GPRIN1: variants seen among roughly 807,000 people sequenced by gnomAD.
GPRIN1 encodes G protein-regulated inducer of neurite outgrowth 1.
Under a neutral mutation model 2.8 loss-of-function variants are expected in GPRIN1, and 4 were observed. The observed-to-expected ratio is 1.45, with a 90% CI of 0.71 to 3.32. The LOEUF is 3.32. Ranked by LOEUF, GPRIN1 falls within the 30% of genes most tolerant of loss-of-function variation. GPRIN1 has a pLI of 0.01. For missense variants in GPRIN1, 1,322 were observed against 1,343.4 expected (o/e 0.98, Z 0.25); for synonymous variants, 589 against 589.9 (o/e 1.00, Z 0.02).
In GPRIN1 at chr5:176,598,423, C is replaced by T; in HGVS notation, c.1412G>A (p.Ser471Asn). ...CACTTTTTCAGATGATGTCTTTCTA[C>T]TTCCAGCAGATATGGGGTCCTCCCT... is the stretch of plus-strand genomic sequence containing the variant. ...SRREDPISAG[S>N]RKTSSEKVNP... Residue 471 changes from serine to asparagine, a missense_variant, in exon 2 of 2, where the codon AGT (serine) becomes AAT (asparagine). This residue lies in a region of GPRIN1 where 1,117 missense variants were observed against 1,128.6 expected (regional missense o/e 0.99). Transcript: ENST00000303991. 1 of 1,614,110 alleles carries T rather than the reference C, an allele frequency of 6.2e-7. No individual in the cohort carries two copies. The highest frequency in any genetic ancestry group is 8.5e-7 in the Non-Finnish European group (1 of 1,180,028).
At chr5:176,606,334 C>T (rs1759219974) in intron 1 of GPRIN1, among the ~76,000 whole-genome samples, 1 of 152,200 alleles carries the variant, frequency 6.6e-6, no homozygotes, top group African/African-American at 2.4e-5. Context: ...AGGAAAGGGT[C>T]TGCAGCAGGG....
Position 176,598,036 on chromosome 5 carries a change from G to A in GPRIN1, c.1799C>T (p.Ala600Val), listed in dbSNP as rs1390117509. ...AGAACCCACTTTTCCCTCTGGGATA[G>A]CTTCTGCTTTTCCCAGGGACACGGG... ...VDPVSLGKAE[A>V]IPEGKVGSLP... Residue 600 changes from alanine to valine, a missense_variant, in exon 2 of 2, where the codon GCT (alanine) becomes GTT (valine). By Grantham distance (64) the Ala-to-Val change is moderately conservative (BLOSUM62 0). This residue lies in a region of GPRIN1 where 1,117 missense variants were observed against 1,128.6 expected (regional missense o/e 0.99). Coordinates refer to ENST00000303991, the MANE Select transcript of GPRIN1 (RefSeq NM_052899.3). The A allele has an allele frequency of 2.5e-6, 4 of 1,613,958 alleles. No individual in the cohort carries two copies. The highest frequency in any genetic ancestry group is 1.6e-4 in the Middle Eastern group (1 of 6,084).
chr5:176,609,755 C>T (rs990495528), intron 1 of GPRIN1, among the ~76,000 whole-genome samples: 1 of 151,574 alleles, frequency 6.6e-6, no homozygotes, highest in Non-Finnish European at 1.5e-5. Context: ...GATGTTCGGC[C>T]CAGGGCTGCG....
Position 176,597,332 on chromosome 5 carries a change from C to A in GPRIN1, c.2503G>T (p.Ala835Ser). 4 of 1,243,616 alleles carry A rather than the reference C, an allele frequency of 3.2e-6. No individual in the cohort carries two copies. The highest frequency in any genetic ancestry group is 4.0e-6 in the Non-Finnish European group (4 of 995,950). The allele number at this position is 1,243,616 out of a possible 1,614,324, so 77.0% of individuals were successfully genotyped here. ...TGGAAGCTGAAGGCCGAGCCCCCAGCGCCGTCCTGCGGAGACATGGGGCTC... is the reference window on the plus strand; with the variant it reads ...TGGAAGCTGAAGGCCGAGCCCCCAGAGCCGTCCTGCGGAGACATGGGGCTC... ...AVSPMSPQDG[A>S]GGSAFSFQAA... The change falls in exon 2 of 2, where the codon GCT becomes TCT. Residue 835 changes from alanine (A) to serine (S), a missense_variant. Ala to Ser is a moderately conservative substitution (Grantham distance 99, BLOSUM62 1). This residue lies in a region of GPRIN1 where 1,117 missense variants were observed against 1,128.6 expected (regional missense o/e 0.99). Transcript: ENST00000303991. The surrounding 1 kb of genome is among the most constrained non-coding windows in gnomAD (Gnocchi z 6.1).
rs753145657 is a variant in GPRIN1, at chr5:176,596,879, G to C, written c.2956C>G (p.Leu986Val). Residue 986 changes from leucine to valine, a missense_variant, in exon 2 of 2, where the codon CTG becomes GTG. By Grantham distance (32) the Leu-to-Val change is conservative. Coordinates refer to ENST00000303991, the MANE Select transcript of GPRIN1 (RefSeq NM_052899.3). This position sits in a 1 kb window ranked among gnomAD's most constrained non-coding sequence, Gnocchi z 5.2. ...ACACTCTGCAGCAGCGCGCGGAACA[G>C]GCCGGGCGGACGCTTGGCGGCGCCA... ...PDGAAKRPPG[L>V]FRALLQSVRR... 9.1e-6 allele frequency: 12 copies of C among 1,318,176 alleles called. No individual in the cohort carries two copies. The Admixed American group carries it at 3.7e-4, about 40-fold the overall frequency. 81.7% of individuals were successfully genotyped at this position (1,318,176 alleles called of 1,614,324 possible).
In GPRIN1 at chr5:176,597,303, C is replaced by T. The variant is rs1381244570; in HGVS notation, c.2532G>A (p.Ala844=). 2 of 1,233,636 alleles carry T rather than the reference C, an allele frequency of 1.6e-6. No individual in the cohort carries two copies. 76.4% of individuals were successfully genotyped at this position (1,233,636 alleles called of 1,614,324 possible). ...GAGGSAFSFQ[A]APRAPSPPSR... is the part of the protein sequence containing the mutation. ...AGGGCGGGCTGGGCGCGCGCGGCGC[C>T]GCCTGGAAGCTGAAGGCCGAGCCCC... Residue 844 remains alanine (A), a synonymous_variant, in exon 2 of 2, where the codon GCG becomes GCA. Transcript: ENST00000303991. The surrounding 1 kb of genome is among the most constrained non-coding windows in gnomAD (Gnocchi z 6.1).
chr5:176,607,940 T>TC (rs1330609128), intron 1 of GPRIN1, among the ~76,000 whole-genome samples: 29 of 102,476 alleles, frequency 2.8e-4, no homozygotes, highest in African/African-American at 1.1e-3. Context: ...TTTTTTTTTT[T>TC]CTGAAGACAG....
chr5:176,598,188 G>C lies in GPRIN1; in HGVS notation c.1647C>G (p.Gly549=), dbSNP rs1759083924. 1 of 1,612,046 alleles carries C rather than the reference G, an allele frequency of 6.2e-7. No homozygotes were observed. The highest frequency in any genetic ancestry group is 1.3e-5 in the African/African-American group (1 of 74,778). The part of the protein sequence containing the change: ...ASGKAEPLAV[G]KEDPVSKGKA... ...TTCCCTTGCTCACAGGGTCCTCCTT[G>C]CCCACCGCGAGGGGCTCGGCCTTCC... The change falls in exon 2 of 2, where the codon GGC becomes GGG. Residue 549 remains glycine, a synonymous_variant. Transcript: ENST00000303991.
chr5:176,606,589 C>T (rs1223430550), intron 1 of GPRIN1, among the ~76,000 whole-genome samples: 2 of 152,172 alleles, frequency 1.3e-5, no homozygotes, highest in Non-Finnish European at 2.9e-5. Context: ...GGTGTACTCT[C>T]CAATCAGCCA....
intron 1 of GPRIN1, among the ~76,000 whole-genome samples, chr5:176,609,670 A>T (rs1204163572): frequency 2.6e-5 from 4 of 151,926 alleles, no homozygotes; most frequent in Non-Finnish European, 5.9e-5. Flanking sequence ...TGCCGAACAA[A>T]GCCAGCGGGC....
chr5:176,603,134 T>C (rs1174276043), intron 1 of GPRIN1, among the ~76,000 whole-genome samples: 2 of 152,168 alleles, frequency 1.3e-5, no homozygotes, highest in East Asian at 3.9e-4. Context: ...ACTCTTACCT[T>C]TGGGGTAAAG....
chr5:176,598,179 G>A lies in GPRIN1; in HGVS notation c.1656C>T (p.Asp552=), dbSNP rs1759083645. The A allele has an allele frequency of 6.2e-7, 1 of 1,612,556 alleles. No individual in the cohort carries two copies. Among genetic ancestry groups the A allele is most frequent in the Non-Finnish European group, 8.5e-7 (1 of 1,179,954 alleles). ...CGTCTGCCTTTCCCTTGCTCACAGG[G>A]TCCTCCTTGCCCACCGCGAGGGGCT... The part of the protein sequence containing the change: ...KAEPLAVGKE[D]PVSKGKADAG... The change falls in exon 2 of 2, where the codon GAC becomes GAT. Residue 552 remains aspartate (D), a synonymous_variant. Transcript: ENST00000303991.
chr5:176,609,119 G>A (rs1007472578), intron 1 of GPRIN1, among the ~76,000 whole-genome samples: 2 of 152,368 alleles, frequency 1.3e-5, no homozygotes, highest in Middle Eastern at 3.4e-3. Context: ...GCCAGTGTGG[G>A]TGGGAGTGGG....
In GPRIN1 at chr5:176,598,242, G is replaced by A; in HGVS notation, c.1593C>T (p.Ala531=). The A allele has an allele frequency of 3.1e-6, 5 of 1,612,760 alleles. No individual in the cohort carries two copies. The highest frequency in any genetic ancestry group is 4.2e-6 in the Non-Finnish European group (5 of 1,179,872). ...AGGCTGTGGGAGCCGCCTTTCCAGA[G>A]GCCACCAGACCTGCCTTCTCCGAGG... ...PLSSEKAGLV[A]SGKAAPTASG... Residue 531 remains alanine (A), a synonymous_variant, in exon 2 of 2, where the codon GCC becomes GCT. Transcript: ENST00000303991.
chr5:176,606,321 G>C (rs78879834), intron 1 of GPRIN1, among the ~76,000 whole-genome samples: 134 of 152,318 alleles, frequency 8.8e-4, no homozygotes, highest in Non-Finnish European at 1.7e-3. Flanking sequence ...GAGGGGGCAG[G>C]GGAGGAAAGG....
intron 1 of GPRIN1, among the ~76,000 whole-genome samples, chr5:176,606,336 G>A (rs1223625564): frequency 2.6e-5 from 4 of 152,206 alleles, no homozygotes; most frequent in Non-Finnish European, 5.9e-5. Flanking sequence ...GAAAGGGTCT[G>A]CAGCAGGGAC....
chr5:176,603,340 C>T (rs1470449443), intron 1 of GPRIN1, among the ~76,000 whole-genome samples: 1 of 152,208 alleles, frequency 6.6e-6, no homozygotes, highest in Non-Finnish European at 1.5e-5. Context: ...TCTCTTATTA[C>T]ACCTTCAGAT....
rs764198142 is a variant in GPRIN1, at chr5:176,598,679, G to T, written c.1156C>A (p.Arg386Ser). The T allele has an allele frequency of 7.4e-6, 12 of 1,613,970 alleles. No individual in the cohort carries two copies. The highest frequency in any genetic ancestry group is 1.0e-5 in the Non-Finnish European group (12 of 1,180,028). The part of the protein sequence containing the change: ...KMDPASSGEG[R>S]PVSGHTDTTA... ...GTATCCGTGTGGCCAGACACAGGAC[G>T]CCCCTCTCCTGAGGAGGCAGGGTCC... Residue 386 changes from arginine (R) to serine (S), a missense_variant, in exon 2 of 2, where the codon CGT becomes AGT. Arg to Ser is a moderately radical substitution (Grantham distance 110). Around this residue, in one of 3 missense-constraint regions of GPRIN1, gnomAD observed 1,117 missense variants for 1,128.6 expected, o/e 0.99. Transcript: ENST00000303991.
chr5:176,608,305 T>A (rs1190800636), intron 1 of GPRIN1, among the ~76,000 whole-genome samples: 1 of 152,142 alleles, frequency 6.6e-6, no homozygotes, highest in African/African-American at 2.4e-5. Context: ...GAGCATGCAG[T>A]AGAAGAAGCA....
Sources: gnomAD v4.1 joint callset for allele counts (sites outside exome capture counted in the v4.1 genomes callset) on GRCh38, gnomAD v4.1.1 for gene constraint, gnomAD v4.1.1 regional missense constraint, Gnocchi (gnomAD v3.1) non-coding constraint, MANE v1.5 for transcripts, NCBI Gene and HGNC (gene_info 2026-07-23, HGNC 2026-07-21) for gene names.